STXBP6: variants seen among roughly 807,000 people sequenced by gnomAD.
STXBP6 encodes the protein syntaxin-binding protein 6.
Under a neutral mutation model 26.9 loss-of-function variants are expected in STXBP6, and 21 were observed. The observed-to-expected ratio is 0.78, with a 90% CI of 0.55 to 1.12. The LOEUF is 1.12. Among genes scored for constraint, STXBP6 ranks in the 50% most tolerant of loss-of-function variants. STXBP6 has a pLI of 0.00. For synonymous variants in STXBP6, 97 were observed against 92.6 expected, an observed-to-expected ratio of 1.05 and a Z score of -0.27; for missense variants, 232 against 257.9, an observed-to-expected ratio of 0.90 and a Z score of 0.69.
intron 1 of STXBP6, among the ~76,000 whole-genome samples, chr14:25,014,177 C>A (rs527789153): frequency 6.6e-6 from 1 of 152,120 alleles, no homozygotes. Flanking sequence ...CTCCTGTGTA[C>A]GTTTGAAATT....
chr14:24,895,892 C>T (rs1241586), intron 2 of STXBP6, among the ~76,000 whole-genome samples: 51,129 of 151,798 alleles, frequency 0.34, 8,670 homozygotes, highest in African/African-American at 0.41. Flanking sequence ...GAGGAGTAAA[C>T]GAGATAGTTT....
At chr14:25,003,119 CAAAA>C (rs1171643978) in intron 1 of STXBP6, among the ~76,000 whole-genome samples, 3 of 152,176 alleles carry the variant, frequency 2.0e-5, no homozygotes, top group African/African-American at 7.2e-5. Flanking sequence ...CTTAAACTGA[CAAAA>C]GAAGCAAGAA....
At chr14:24,870,501 T>G (rs1262945363) in intron 2 of STXBP6, among the ~76,000 whole-genome samples, 1 of 152,216 alleles carries the variant, frequency 6.6e-6, no homozygotes, top group Non-Finnish European at 1.5e-5. Flanking sequence ...ACGTTTATTC[T>G]CCACTCCAAA....
chr14:24,937,986 G>C (rs1398781471), intron 2 of STXBP6, among the ~76,000 whole-genome samples: 1 of 152,198 alleles, frequency 6.6e-6, no homozygotes. Flanking sequence ...GAAACGTGTT[G>C]ATGAGGTGCA....
chr14:24,976,314 T>G (rs1039942862), intron 1 of STXBP6, among the ~76,000 whole-genome samples: 8 of 152,224 alleles, frequency 5.3e-5, no homozygotes, highest in African/African-American at 1.9e-4. Flanking sequence ...AGGAAAGTGA[T>G]ATATTAAAAA....
At position 24,818,227 on chromosome 14, in the gene STXBP6, T is replaced by G. The variant is rs77797306; in HGVS notation, c.609+810A>C. On this transcript the variant is annotated intron_variant, in intron 5 of 5. Transcript: ENST00000323944. ...ACTAACCAGAAAAAAAACTGCCCTT[T>G]GATCTGAAGCACAACAACAGTAATA... 4.1e-4 allele frequency: 181 copies of G among 437,444 alleles called. 3 individuals carry two copies. In the East Asian group the frequency reaches 9.0e-3, roughly 22 times the overall value. The allele number at this position is 437,444 out of a possible 1,614,324, so 27.1% of individuals were successfully genotyped here.
At chr14:24,908,281 T>C (rs1483803042) in intron 2 of STXBP6, among the ~76,000 whole-genome samples, 1 of 152,208 alleles carries the variant, frequency 6.6e-6, no homozygotes, top group Non-Finnish European at 1.5e-5. Context: ...ATATCCTGAA[T>C]ACAACACTGG....
At chr14:24,991,509 A>C (rs1187523424) in intron 1 of STXBP6, among the ~76,000 whole-genome samples, 2 of 152,180 alleles carry the variant, frequency 1.3e-5, no homozygotes, top group Non-Finnish European at 2.9e-5. Flanking sequence ...AATGACAGCC[A>C]ATTCAGAGTC....
intron 1 of STXBP6, among the ~76,000 whole-genome samples, chr14:24,986,089 G>A (rs921719749): frequency 6.6e-6 from 1 of 152,190 alleles, no homozygotes; most frequent in Non-Finnish European, 1.5e-5. Context: ...TGATAACAGA[G>A]AAAGAGAAAA....
chr14:24,932,323 T>C (rs1009785740), intron 2 of STXBP6, among the ~76,000 whole-genome samples: 10 of 152,126 alleles, frequency 6.6e-5, no homozygotes, highest in African/African-American at 2.2e-4. Flanking sequence ...AGGAGAATCG[T>C]TTGAACCTGG....
intron 1 of STXBP6, among the ~76,000 whole-genome samples, chr14:25,025,580 G>T (rs2075335189): frequency 6.6e-6 from 1 of 152,176 alleles, no homozygotes; most frequent in South Asian, 2.1e-4. Flanking sequence ...GATGCAGCCA[G>T]TGTTGCTAGA....
chr14:24,869,747 C>A (rs2069860767), intron 2 of STXBP6, among the ~76,000 whole-genome samples: 1 of 152,174 alleles, frequency 6.6e-6, no homozygotes, highest in South Asian at 2.1e-4. Flanking sequence ...ATCTTCCCCT[C>A]CCTCAGACTT....
chr14:24,827,737 C>A (rs749233452), intron 4 of STXBP6, among the ~76,000 whole-genome samples: 1 of 152,166 alleles, frequency 6.6e-6, no homozygotes, highest in Non-Finnish European at 1.5e-5. Flanking sequence ...CCTGATCATG[C>A]CACTTTCTCA....
chr14:24,899,087 G>T (rs2071108163), intron 2 of STXBP6, among the ~76,000 whole-genome samples: 1 of 152,124 alleles, frequency 6.6e-6, no homozygotes, highest in South Asian at 2.1e-4. Flanking sequence ...CCTATCAGAT[G>T]AAAAAACACA....
At chr14:24,879,376 A>T (rs2070268479) in intron 2 of STXBP6, among the ~76,000 whole-genome samples, 1 of 152,196 alleles carries the variant, frequency 6.6e-6, no homozygotes, top group African/African-American at 2.4e-5. Flanking sequence ...TTTGTACCCC[A>T]AAGCTTTTCC....
At chr14:25,034,568 G>A (rs1460764301) in intron 1 of STXBP6, among the ~76,000 whole-genome samples, 2 of 152,182 alleles carry the variant, frequency 1.3e-5, no homozygotes, top group Non-Finnish European at 2.9e-5. Context: ...GTACAGCACA[G>A]TGCAGTGGTC....
chr14:24,914,605 G>A (rs1205454521), intron 2 of STXBP6, among the ~76,000 whole-genome samples: 1 of 152,124 alleles, frequency 6.6e-6, no homozygotes, highest in Admixed American at 6.5e-5. Context: ...CTGAATGCCA[G>A]GGCCGCAGCC....
chr14:24,836,667 T>C (rs1452846732), intron 4 of STXBP6, among the ~76,000 whole-genome samples: 1 of 148,402 alleles, frequency 6.7e-6, no homozygotes, highest in Non-Finnish European at 1.5e-5. Flanking sequence ...GGGTAGCTAT[T>C]AACAGACTAA....
At chr14:25,010,636 G>A (rs1177368712) in intron 1 of STXBP6, 1 of 152,220 alleles carries the variant, frequency 6.6e-6, no homozygotes, top group African/African-American at 2.4e-5. Context: ...TTTCTAAACA[G>A]GAAACTAAAG....
Sources: gnomAD v4.1 joint callset for allele counts (sites outside exome capture counted in the v4.1 genomes callset) on GRCh38, gnomAD v4.1.1 for gene constraint, MANE v1.5 for transcripts, NCBI Gene and HGNC (gene_info 2026-07-23, HGNC 2026-07-21) for gene names.